The following ARFGEF2 variants were observed in gnomAD, a reference collection of about 807,000 sequenced individuals.
ARFGEF2 encodes the protein ARF guanine nucleotide exchange factor 2, also known as brefeldin A-inhibited guanine nucleotide-exchange protein 2.
ARFGEF2 carries 74 observed loss-of-function variants against 219.9 expected under a neutral mutation model. The ratio of observed to expected loss-of-function variants is 0.34; its 90% CI spans 0.28 to 0.41. ARFGEF2 has a LOEUF of 0.41. Among genes scored for constraint, ARFGEF2 ranks in the 10% least tolerant of loss-of-function variants. The pLI is 1.00. For synonymous variants in ARFGEF2, 733 were observed against 799.2 expected, an observed-to-expected ratio of 0.92 and a Z score of 1.40; for missense variants, 1,743 against 2,218.3, an observed-to-expected ratio of 0.79 and a Z score of 4.30.
At chr20:49,006,765 A>C (rs544451386) in intron 26 of ARFGEF2, among the ~76,000 whole-genome samples, 40 of 152,276 alleles carry the variant, frequency 2.6e-4, no homozygotes, top group African/African-American at 9.6e-4. Context: ...CAAGGCAGGT[A>C]GTAGAAGGTG....
intron 26 of ARFGEF2, among the ~76,000 whole-genome samples, chr20:49,005,906 C>T (rs900066360): frequency 5.3e-5 from 8 of 151,962 alleles, no homozygotes; most frequent in African/African-American, 1.9e-4. Flanking sequence ...GTCAGGATAC[C>T]GGGCCCTGTG....
chr20:48,995,401 T>G (rs2091380008), intron 22 of ARFGEF2, among the ~76,000 whole-genome samples: 1 of 152,156 alleles, frequency 6.6e-6, no homozygotes, highest in Non-Finnish European at 1.5e-5. Flanking sequence ...CTCGTGAGGA[T>G]GAGTGTAATG....
intron 1 of ARFGEF2, among the ~76,000 whole-genome samples, chr20:48,932,420 G>A (rs546215950): frequency 6.6e-6 from 1 of 152,254 alleles, no homozygotes; most frequent in East Asian, 1.9e-4. Flanking sequence ...AAATTACTGG[G>A]CAGCATTTCA....
Position 48,976,012 on chromosome 20 carries a change from G to A in ARFGEF2, c.1775-4G>A, listed in dbSNP as rs372571868. The A allele has an allele frequency of 5.0e-6, 8 of 1,612,016 alleles. No individual in the cohort carries two copies. The highest frequency in any genetic ancestry group is 4.5e-5 in the East Asian group (2 of 44,882). On this transcript the variant is annotated splice_polypyrimidine_tract_variant and splice_region_variant and intron_variant, in intron 13 of 38. Coordinates refer to ENST00000371917, the MANE Select transcript of ARFGEF2 (RefSeq NM_006420.3). ...TGGCTTCCTTTACTTTTGTTTCTCC[G>A]CAGGTCAGGAGAGGCTCACGGATCA...
chr20:48,964,007 G>A, intron 7 of ARFGEF2, 109 bp downstream of exon 7: 1 of 979,760 alleles, frequency 1.0e-6, no homozygotes, highest in East Asian at 2.6e-5. Context: ...AAGAACTGGT[G>A]GAGCTCATGG....
chr20:49,008,706 G>A (rs1004983448), intron 26 of ARFGEF2, among the ~76,000 whole-genome samples: 1 of 149,322 alleles, frequency 6.7e-6, no homozygotes, highest in Non-Finnish European at 1.5e-5. Flanking sequence ...ATCATGTAAA[G>A]GTTTTTTTTT....
intron 1 of ARFGEF2, among the ~76,000 whole-genome samples, chr20:48,935,508 C>T (rs1277488636): frequency 6.6e-6 from 1 of 152,138 alleles, no homozygotes; most frequent in Non-Finnish European, 1.5e-5. Context: ...TACACAGACA[C>T]GGCAACCATC....
At chr20:48,984,958 G>A in intron 15 of ARFGEF2, 118 bp downstream of exon 15, 4 of 1,551,210 alleles carry the variant, frequency 2.6e-6, no homozygotes, top group Non-Finnish European at 3.5e-6. Flanking sequence ...CCACCCCCGG[G>A]TTATACATTG....
intron 37 of ARFGEF2, among the ~76,000 whole-genome samples, chr20:49,029,673 G>C (rs3091862): frequency 0.68 from 103,376 of 151,260 alleles, 36,683 homozygotes; most frequent in African/African-American, 0.9. Context: ...CTCACTGCAA[G>C]GTCCACTTCC....
chr20:49,008,105 C>G (rs538389573), intron 26 of ARFGEF2, among the ~76,000 whole-genome samples: 1 of 152,278 alleles, frequency 6.6e-6, no homozygotes, highest in Admixed American at 6.5e-5. Context: ...CTCAGTAATT[C>G]CACACTTCTG....
At chr20:48,926,740 G>T (rs1342256720) in intron 1 of ARFGEF2, among the ~76,000 whole-genome samples, 1 of 152,122 alleles carries the variant, frequency 6.6e-6, no homozygotes, top group East Asian at 1.9e-4. Flanking sequence ...TAATTCTGGA[G>T]TTGTGACCTG....
chr20:48,927,087 T>C (rs1032541240), intron 1 of ARFGEF2, among the ~76,000 whole-genome samples: 2 of 152,148 alleles, frequency 1.3e-5, no homozygotes, highest in Admixed American at 1.3e-4. Flanking sequence ...AGTTTGGTTG[T>C]GTTGTAAAGA....
intron 6 of ARFGEF2, among the ~76,000 whole-genome samples, chr20:48,962,886 C>T (rs1276326720): frequency 1.3e-5 from 2 of 151,976 alleles, no homozygotes. Context: ...AAGGTGATGG[C>T]TTTTTTGGTC....
At chr20:48,973,980 T>C (rs2091244669) in intron 12 of ARFGEF2, among the ~76,000 whole-genome samples, 1 of 152,172 alleles carries the variant, frequency 6.6e-6, no homozygotes, top group Non-Finnish European at 1.5e-5. Flanking sequence ...ACTTAAAGGG[T>C]GAGCCTTAAA....
rs2091251048 is a variant in ARFGEF2, at chr20:48,974,854, C to T, written c.1754C>T (p.Pro585Leu). The T allele has an allele frequency of 1.2e-6, 2 of 1,613,708 alleles. No individual in the cohort carries two copies. Among genetic ancestry groups the T allele is most frequent in the East Asian group, 4.5e-5 (2 of 44,874 alleles). Residue 585 changes from proline (P) to leucine (L), a missense_variant, in exon 13 of 39, where the codon CCC becomes CTC. Pro to Leu is a moderately conservative substitution (Grantham distance 98). Around this residue, in one of 5 missense-constraint regions of ARFGEF2, gnomAD observed 666 missense variants for 955.4 expected, o/e 0.70. Transcript: ENST00000371917. ...VEWSKDLYVNPNHQTSLGQER... is the reference protein window; with the variant it reads ...VEWSKDLYVNLNHQTSLGQER... The stretch of plus-strand genomic sequence containing the variant: ...TGGAGCAAAGACCTGTATGTGAATC[C>T]CAACCACCAGACCAGCCTCGGTGAG...
At chr20:49,017,573 G>T (rs201565062) in intron 33 of ARFGEF2, 23 bp downstream of exon 33, 40 of 1,613,032 alleles carry the variant, frequency 2.5e-5, no homozygotes, top group Non-Finnish European at 3.0e-5. Context: ...GTTTTTCTTT[G>T]GTTGTCTTTT....
intron 1 of ARFGEF2, among the ~76,000 whole-genome samples, chr20:48,924,804 C>G (rs1249409088): frequency 1.3e-5 from 2 of 152,174 alleles, no homozygotes. Context: ...TGTGTTCAAA[C>G]CTCCTGCCTT....
rs770155650 is a variant in ARFGEF2 at position 49,013,667 on chromosome 20, A to G, written c.4022A>G (p.Asn1341Ser). The change falls in exon 29 of 39, where the codon AAT becomes AGT. Residue 1341 changes from asparagine to serine, a missense_variant. By Grantham distance (46) the Asn-to-Ser change is conservative. This residue lies in a region of ARFGEF2 where 578 missense variants were observed against 664.0 expected (regional missense o/e 0.87). Transcript: ENST00000371917. ...PILFELSCII[N>S]RCKLDVRTRG... ...TTATTCGAACTCTCCTGCATCATTA[A>G]TAGATGCAAGTTAGATGTACGAACA... The G allele has an allele frequency of 6.2e-7, 1 of 1,614,164 alleles. No individual in the cohort carries two copies. The highest frequency in any genetic ancestry group is 1.1e-5 in the South Asian group (1 of 91,078).
chr20:48,952,765 A>G lies in ARFGEF2; in HGVS notation c.484A>G (p.Thr162Ala), dbSNP rs778091258. ...AATTCATGAGGGTACTATCCTGCAG[A>G]CAGTGAGAACATGTTACAATATCTA... ...IEIHEGTILQ[T>A]VRTCYNIYLA... Residue 162 changes from threonine (T) to alanine (A), a missense_variant, in exon 5 of 39, where the codon ACA becomes GCA. Around this residue, in one of 5 missense-constraint regions of ARFGEF2, gnomAD observed 394 missense variants for 426.6 expected, o/e 0.92. Transcript: ENST00000371917. 2 of 1,614,238 alleles carry G rather than the reference A, an allele frequency of 1.2e-6. No homozygotes were observed. The highest frequency in any genetic ancestry group is 1.7e-5 in the Admixed American group (1 of 60,024).
Sources: gnomAD v4.1 joint callset for allele counts (sites outside exome capture counted in the v4.1 genomes callset) on GRCh38, gnomAD v4.1.1 for gene constraint, gnomAD v4.1.1 regional missense constraint, MANE v1.5 for transcripts, NCBI Gene and HGNC (gene_info 2026-07-23, HGNC 2026-07-21) for gene names.